NHSL3: variants seen among roughly 807,000 people sequenced by gnomAD.
NHSL3 encodes the protein NHS-like protein 3.
At chr1:32,764,297 G>A in the NHSL3 span, among the ~76,000 whole-genome samples, 1 of 142,366 alleles carries the variant, frequency 7.0e-6, no homozygotes, top group East Asian at 2.1e-4. Flanking sequence ...CCTCATCCAT[G>A]TATTCATCAA....
the NHSL3 span, among the ~76,000 whole-genome samples, chr1:32,762,974 T>C: frequency 2.1e-5 from 3 of 141,948 alleles, no homozygotes; most frequent in Non-Finnish European, 4.6e-5. Context: ...AGTGCTAGCC[T>C]GGAATTTTTT....
chr1:32,755,118 A>G, the NHSL3 span, among the ~76,000 whole-genome samples: 4 of 152,186 alleles, frequency 2.6e-5, no homozygotes, highest in African/African-American at 9.7e-5. Context: ...GTTTCCCCCA[A>G]CAAGTGCGGC....
chr1:32,770,690 C>T, the NHSL3 span: 14 of 1,538,500 alleles, frequency 9.1e-6, no homozygotes, highest in Non-Finnish European at 1.2e-5. The surrounding 1 kb of genome is among the most constrained non-coding windows in gnomAD (Gnocchi z 8.3). Flanking sequence ...CCCCGCCGGA[C>T]CCACTCCCTC....
At chr1:32,773,872 C>T in the NHSL3 span, 1 of 152,702 alleles carries the variant, frequency 6.5e-6, no homozygotes, top group Admixed American at 6.5e-5. Flanking sequence ...TCTCTCTCCT[C>T]ATTTCGGTGC....
At chr1:32,745,959 G>A in the NHSL3 span, among the ~76,000 whole-genome samples, 1 of 152,028 alleles carries the variant, frequency 6.6e-6, no homozygotes, top group South Asian at 2.1e-4. Context: ...GGCCAGGCAC[G>A]GTGGCTCACG....
chr1:32,759,562 C>T, the NHSL3 span, among the ~76,000 whole-genome samples: 2 of 152,210 alleles, frequency 1.3e-5, no homozygotes, highest in Non-Finnish European at 2.9e-5. Flanking sequence ...TCCTCCCCTC[C>T]CTGCTCTGGG....
At chr1:32,748,466 C>G in the NHSL3 span, among the ~76,000 whole-genome samples, 1 of 152,146 alleles carries the variant, frequency 6.6e-6, no homozygotes, top group African/African-American at 2.4e-5. Flanking sequence ...AGTCAACACT[C>G]CCATGTGTTT....
chr1:32,768,102 C>T, the NHSL3 span: 125 of 1,610,304 alleles, frequency 7.8e-5, no homozygotes, highest in Non-Finnish European at 7.9e-5. Context: ...ACCATGGAGA[C>T]ACCCAGAGTA....
the NHSL3 span, among the ~76,000 whole-genome samples, chr1:32,759,722 G>A: frequency 2.6e-5 from 4 of 152,154 alleles, no homozygotes; most frequent in Non-Finnish European, 4.4e-5. Flanking sequence ...GATTGAGGTC[G>A]TGCCCCTCCC....
the NHSL3 span, chr1:32,769,921 C>T: frequency 6.2e-7 from 1 of 1,608,010 alleles, no homozygotes; most frequent in Non-Finnish European, 8.5e-7. Flanking sequence ...GCCCCGGGCT[C>T]CTGGTGCACG....
the NHSL3 span, chr1:32,754,122 C>T: frequency 1.4e-6 from 1 of 711,864 alleles, no homozygotes; most frequent in South Asian, 1.5e-5. Flanking sequence ...GGAAGGCCCC[C>T]AGCGGTCCCC....
chr1:32,756,478 C>CCA, the NHSL3 span, among the ~76,000 whole-genome samples: 16 of 114,048 alleles, frequency 1.4e-4, 3 homozygotes, highest in Admixed American at 8.4e-4. Flanking sequence ...AGACCCCCCC[C>CCA]CCCCGCCCAT....
At chr1:32,765,975 T>A in the NHSL3 span, 1 of 796,676 alleles carries the variant, frequency 1.3e-6, no homozygotes, top group Non-Finnish European at 2.0e-6. Context: ...CATCCGGCTG[T>A]GCTTTTGTCC....
At chr1:32,759,659 G>A in the NHSL3 span, among the ~76,000 whole-genome samples, 2 of 152,340 alleles carry the variant, frequency 1.3e-5, no homozygotes, top group South Asian at 4.1e-4. Context: ...GGGAAGGAAG[G>A]AGAGGGATTC....
At chr1:32,749,095 G>T in the NHSL3 span, among the ~76,000 whole-genome samples, 3 of 152,144 alleles carry the variant, frequency 2.0e-5, no homozygotes, top group Non-Finnish European at 4.4e-5. Context: ...GTAATTAAGG[G>T]TTAACAAGTG....
the NHSL3 span, among the ~76,000 whole-genome samples, chr1:32,745,782 C>T: frequency 6.6e-6 from 1 of 152,102 alleles, no homozygotes; most frequent in African/African-American, 2.4e-5. Flanking sequence ...CAGCAGGTTT[C>T]TGCTGTTGTT....
the NHSL3 span, among the ~76,000 whole-genome samples, chr1:32,745,215 C>T: frequency 6.6e-6 from 1 of 151,640 alleles, no homozygotes; most frequent in African/African-American, 2.4e-5. Context: ...TAAGTTTAGT[C>T]ACCTGAGCTC....
chr1:32,769,881 C>G, the NHSL3 span: 1 of 1,610,556 alleles, frequency 6.2e-7, no homozygotes, highest in East Asian at 2.2e-5. Context: ...CCCTTCCAGG[C>G]CTGAGGAATG....
chr1:32,749,625 G>C, the NHSL3 span, among the ~76,000 whole-genome samples: 66 of 152,166 alleles, frequency 4.3e-4, no homozygotes, highest in Non-Finnish European at 8.2e-4. Context: ...CCTTTCTTCA[G>C]ACTTCAAATG....
Sources: gnomAD v4.1 joint callset for allele counts (sites outside exome capture counted in the v4.1 genomes callset) on GRCh38, gnomAD v4.1.1 for gene constraint, Gnocchi (gnomAD v3.1) non-coding constraint, MANE v1.5 for transcripts, NCBI Gene and HGNC (gene_info 2026-07-23, HGNC 2026-07-21) for gene names.